SPRYD3: variants seen among roughly 807,000 people sequenced by gnomAD.
SPRYD3 encodes the protein SPRY domain containing 3.
SPRYD3 carries 17 observed loss-of-function variants against 50.1 expected under a neutral mutation model. That is an observed-to-expected ratio of 0.34 (90% CI 0.23 to 0.51). The LOEUF is 0.51. Ranked by LOEUF, SPRYD3 falls within the 20% of genes least tolerant of loss-of-function variation. The probability of loss-of-function intolerance (pLI) is 0.97; values close to 1 mark genes in which losing one functional copy is unlikely to be tolerated. For synonymous variants in SPRYD3, 198 were observed against 215.5 expected, an observed-to-expected ratio of 0.92 and a Z score of 0.71; for missense variants, 401 against 591.2, an observed-to-expected ratio of 0.68 and a Z score of 3.34.
intron 6 of SPRYD3, 30 bp downstream of exon 6, chr12:53,073,256 G>GCCCCCGGGGGGGGGGCCCCCCC: frequency 2.4e-6 from 1 of 424,134 alleles, no homozygotes. Flanking sequence ...CTCCGACCCA[G>GCCCCCGGGGGGGGGGCCCCCCC]CCCCTCCCAC....
chr12:53,076,426 T>C (rs1206897488), intron 2 of SPRYD3, among the ~76,000 whole-genome samples: 7 of 152,294 alleles, frequency 4.6e-5, no homozygotes, highest in Admixed American at 2.0e-4. Flanking sequence ...GGGTACACTA[T>C]AGAATGGCCC....
Position 53,074,627 on chromosome 12 carries a change from C to T in SPRYD3, c.507+22G>A, listed in dbSNP as rs2121206796. 6.2e-7 allele frequency: 1 copy of T among 1,614,138 alleles called. No homozygotes were observed. Among genetic ancestry groups the T allele is most frequent in the Non-Finnish European group, 8.5e-7 (1 of 1,179,962 alleles). The stretch of plus-strand genomic sequence containing the variant: ...TTGGGCAGATTTCAGCCACGTAAAT[C>T]CCACCACTATTTCCCACTCACCCGC... On this transcript the variant is annotated intron_variant, in intron 5 of 10. Transcript: ENST00000301463. The surrounding 1 kb of genome is among the most constrained non-coding windows in gnomAD (Gnocchi z 4.6).
In SPRYD3 at chr12:53,064,525, C is replaced by T. The variant is rs1163986623; in HGVS notation, c.*1307G>A. ...CCACATCTCCCCATGAGCAAGCTGCCTTCGGCTGCCCCCATCCAGCAGTCC... is the reference window on the plus strand; with the variant it reads ...CCACATCTCCCCATGAGCAAGCTGCTTTCGGCTGCCCCCATCCAGCAGTCC... On this transcript the variant is annotated 3_prime_UTR_variant, in exon 11 of 11. Transcript: ENST00000301463. 1 of 152,708 alleles carries T rather than the reference C, an allele frequency of 6.5e-6. No homozygotes were observed. Among genetic ancestry groups the T allele is most frequent in the African/African-American group, 2.4e-5 (1 of 41,444 alleles). 9.5% of individuals were successfully genotyped at this position (152,708 alleles called of 1,614,324 possible).
At position 53,066,570 on chromosome 12, in the gene SPRYD3, C is replaced by T. The variant is rs773184948; in HGVS notation, c.1021+3G>A. ...CCTGGCTGGCCACCCCTACCCCACTCACCCTCACTGTCCAAAATGTAGTCC... is the reference window on the plus strand; with the variant it reads ...CCTGGCTGGCCACCCCTACCCCACTTACCCTCACTGTCCAAAATGTAGTCC... On this transcript the variant is annotated splice_donor_region_variant and intron_variant, in intron 9 of 10. Transcript: ENST00000301463. 17 of 1,613,856 alleles carry T rather than the reference C, an allele frequency of 1.1e-5. No homozygotes were observed. In the East Asian group the frequency reaches 3.3e-4, roughly 32 times the overall value.
chr12:53,074,516 TG>T lies in SPRYD3; in HGVS notation c.507+132del. On this transcript the variant is annotated intron_variant, in intron 5 of 10. Transcript: ENST00000301463. This position sits in a 1 kb window ranked among gnomAD's most constrained non-coding sequence, Gnocchi z 4.6. The stretch of plus-strand genomic sequence containing the variant: ...AAGAGACTTCAGGAGAATCTGAGGC[TG>T]GACTGGAGGAGATGGGAACTCAGTG... 1.9e-6 allele frequency: 2 copies of T among 1,069,594 alleles called. No individual in the cohort carries two copies. The highest frequency in any genetic ancestry group is 1.4e-6 in the Non-Finnish European group (1 of 713,210). 66.3% of individuals were successfully genotyped at this position (1,069,594 alleles called of 1,614,324 possible).
chr12:53,079,227 G>T (rs375505047), intron 1 of SPRYD3, 84 bp downstream of exon 1: 9 of 1,386,262 alleles, frequency 6.5e-6, no homozygotes, highest in Admixed American at 6.0e-5. Flanking sequence ...TGGCCCCAGA[G>T]CCCCCGCCCA....
rs970506506 is a variant in SPRYD3, at chr12:53,065,073, G to C, written c.*759C>G. 1 of 152,536 alleles carries C rather than the reference G, an allele frequency of 6.6e-6. No homozygotes were observed. Among genetic ancestry groups the C allele is most frequent in the Non-Finnish European group, 1.5e-5 (1 of 68,212 alleles). The allele number at this position is 152,536 out of a possible 1,614,324, so 9.4% of individuals were successfully genotyped here. On this transcript the variant is annotated 3_prime_UTR_variant, in exon 11 of 11. Coordinates refer to ENST00000301463, the MANE Select transcript of SPRYD3 (RefSeq NM_032840.3). ...CCAATACCCGGGAGCTAGGGACATG[G>C]GTGGCACTGGTAAAGAAAGGATGGA...
rs368316274 is a variant in SPRYD3, at chr12:53,073,390, G to A, written c.589C>T (p.Leu197=). 6.3e-7 allele frequency: 1 copy of A among 1,585,928 alleles called. No individual in the cohort carries two copies. Among genetic ancestry groups the A allele is most frequent in the Non-Finnish European group, 8.6e-7 (1 of 1,165,826 alleles). The change falls in exon 6 of 11, where the codon CTG becomes TTG. Residue 197 remains leucine, a synonymous_variant. Coordinates refer to ENST00000301463, the MANE Select transcript of SPRYD3 (RefSeq NM_032840.3). ...CGGCCCAGCTCAGCGTTGAGGTGCA[G>A]CCGCACCTCCTCACCCAGGGAGTGC... is the stretch of plus-strand genomic sequence containing the variant. ...GMHSLGEEVR[L]HLNAELGRED... is the part of the protein sequence containing the mutation.
Position 53,074,456 on chromosome 12 carries a change from T to G in SPRYD3, c.507+193A>C, listed in dbSNP as rs186741692. On this transcript the variant is annotated intron_variant, in intron 5 of 10. Transcript: ENST00000301463. This position sits in a 1 kb window ranked among gnomAD's most constrained non-coding sequence, Gnocchi z 4.6. ...CTGTCATCTGGGCAATGTCCCAGCT[T>G]CCTCTGGCCATGGGAAGTATCTTCT... Among the ~76,000 whole-genome samples the G allele has an allele frequency of 2.1e-4, 32 of 152,342 alleles. No homozygotes were observed. The East Asian group carries it at 6.0e-3, about 28-fold the overall frequency.
rs374954724 is a variant in SPRYD3 at position 53,074,815 on chromosome 12, C to G, written c.372-31G>C. The G allele has an allele frequency of 1.2e-6, 2 of 1,610,894 alleles. No individual in the cohort carries two copies. The highest frequency in any genetic ancestry group is 1.7e-6 in the Non-Finnish European group (2 of 1,177,490). ...GACAGAGTAGTACAGACACAGGACC[C>G]GAGCCTGGCCTCCCAACTTCTCCCC... On this transcript the variant is annotated intron_variant, in intron 4 of 10. Coordinates refer to ENST00000301463, the MANE Select transcript of SPRYD3 (RefSeq NM_032840.3). This position sits in a 1 kb window ranked among gnomAD's most constrained non-coding sequence, Gnocchi z 4.6.
At chr12:53,075,530 C>A (rs527424183) in intron 3 of SPRYD3, among the ~76,000 whole-genome samples, 1 of 152,094 alleles carries the variant, frequency 6.6e-6, no homozygotes, top group African/African-American at 2.4e-5. Flanking sequence ...GGTAGGAGAG[C>A]AGAAGGGACA....
chr12:53,068,346 C>T (rs750614590), intron 6 of SPRYD3, 42 bp from the exon 7 acceptor site: 1 of 1,606,068 alleles, frequency 6.2e-7, no homozygotes, highest in Non-Finnish European at 8.5e-7. Context: ...GACAGGCTGA[C>T]ACCCACCCTG....
chr12:53,067,031 G>A (rs543197229), intron 8 of SPRYD3, among the ~76,000 whole-genome samples: 1 of 150,780 alleles, frequency 6.6e-6, no homozygotes, highest in East Asian at 2.0e-4. Flanking sequence ...GATCACTTGA[G>A]CCTGGGAGGC....
rs756522935 is a variant in SPRYD3 at position 53,066,631 on chromosome 12, T to C, written c.963A>G (p.Lys321=). 1.5e-5 allele frequency: 24 copies of C among 1,614,072 alleles called. No individual in the cohort carries two copies. The highest frequency in any genetic ancestry group is 1.9e-5 in the Non-Finnish European group (22 of 1,180,002). Residue 321 remains lysine, a synonymous_variant, in exon 9 of 11, where the codon AAA becomes AAG. Coordinates refer to ENST00000301463, the MANE Select transcript of SPRYD3 (RefSeq NM_032840.3). The part of the protein sequence containing the change: ...VGDPFGPRCY[K]GDIMGCGIMF... Reference sequence around the variant, plus strand: ...TGATTCCACAGCCCATGATGTCCCCTTTGTAACAGCGTGGCCCAAAGGGGT... The same window carrying C: ...TGATTCCACAGCCCATGATGTCCCCCTTGTAACAGCGTGGCCCAAAGGGGT...
Position 53,074,657 on chromosome 12 carries a change from C to T in SPRYD3, c.499G>A (p.Gly167Arg), listed in dbSNP as rs949120334. The T allele has an allele frequency of 6.2e-7, 1 of 1,614,280 alleles. No individual in the cohort carries two copies. The highest frequency in any genetic ancestry group is 8.5e-7 in the Non-Finnish European group (1 of 1,180,048). The part of the protein sequence containing the change: ...QTAQIFFTKN[G>R]KRVGSTIMPM... ...CACTATTTCCCACTCACCCGCTTCCCATTTTTGGTGAAGAAGATCTGGGCG... is the reference window on the plus strand; with the variant it reads ...CACTATTTCCCACTCACCCGCTTCCTATTTTTGGTGAAGAAGATCTGGGCG... Residue 167 changes from glycine to arginine, a missense_variant, in exon 5 of 11, where the codon GGG (glycine) becomes AGG (arginine). Coordinates refer to ENST00000301463, the MANE Select transcript of SPRYD3 (RefSeq NM_032840.3). The surrounding 1 kb of genome is among the most constrained non-coding windows in gnomAD (Gnocchi z 4.6).
intron 6 of SPRYD3, among the ~76,000 whole-genome samples, chr12:53,072,133 C>T (rs191626222): frequency 6.6e-6 from 1 of 152,238 alleles, no homozygotes. Context: ...CCTGGCGCAG[C>T]CCCAAGTTTA....
intron 1 of SPRYD3, among the ~76,000 whole-genome samples, chr12:53,078,816 G>T (rs959737414): frequency 6.6e-6 from 1 of 152,176 alleles, no homozygotes; most frequent in Admixed American, 6.5e-5. Flanking sequence ...GCCTGACATT[G>T]CCTTGCACAC....
chr12:53,066,200 A>T, intron 10 of SPRYD3, 114 bp downstream of exon 10: 1 of 1,529,122 alleles, frequency 6.5e-7, no homozygotes, highest in South Asian at 1.3e-5. Flanking sequence ...GCCCTTGGGC[A>T]ACGCCAGAGC....
chr12:53,065,095 T>C lies in SPRYD3; in HGVS notation c.*737A>G, dbSNP rs1405973204. On this transcript the variant is annotated 3_prime_UTR_variant, in exon 11 of 11. Transcript: ENST00000301463. ...ATGGGTGGCACTGGTAAAGAAAGGA[T>C]GGAAGGGGAGAAAGGAGTGAAGGCC... is the stretch of plus-strand genomic sequence containing the variant. 6.6e-6 allele frequency: 1 copy of C among 152,288 alleles called. No homozygotes were observed. Among genetic ancestry groups the C allele is most frequent in the African/African-American group, 2.4e-5 (1 of 41,418 alleles). The allele number at this position is 152,288 out of a possible 1,614,324, so 9.4% of individuals were successfully genotyped here.
Sources: gnomAD v4.1 joint callset for allele counts (sites outside exome capture counted in the v4.1 genomes callset) on GRCh38, gnomAD v4.1.1 for gene constraint, Gnocchi (gnomAD v3.1) non-coding constraint, MANE v1.5 for transcripts, NCBI Gene and HGNC (gene_info 2026-07-23, HGNC 2026-07-21) for gene names.